The following LHFPL2 variants were observed in gnomAD, a reference collection of about 807,000 sequenced individuals.
LHFPL2 encodes the protein LHFPL tetraspan subfamily member 2.
A neutral mutation model predicts 17.5 loss-of-function variants in LHFPL2; 7 were observed. The ratio of observed to expected loss-of-function variants is 0.40; its 90% confidence interval spans 0.23 to 0.75. LHFPL2 has a LOEUF of 0.75. LHFPL2 is among the 30% of genes least tolerant of loss of function. The pLI is 0.37. For synonymous variants in LHFPL2, 134 were observed against 116.2 expected (o/e 1.15, Z -0.99); for missense variants, 241 against 294.8 (o/e 0.82, Z 1.34).
intron 3 of LHFPL2, among the ~76,000 whole-genome samples, chr5:78,524,466 G>T (rs1229290263): frequency 6.6e-6 from 1 of 152,156 alleles, no homozygotes; most frequent in Non-Finnish European, 1.5e-5. Context: ...ATCCGGCCAG[G>T]CGCAGTGGCT....
Position 78,635,626 on chromosome 5 carries a change from C to A in LHFPL2, c.-349-3258G>T, listed in dbSNP as rs1444945402. 2.6e-5 allele frequency among the ~76,000 whole-genome samples: 4 copies of A among 152,306 alleles called. No homozygotes were observed. In the East Asian group the frequency reaches 7.7e-4, roughly 29 times the overall value. On this transcript the variant is annotated intron_variant, in intron 1 of 4. Coordinates refer to ENST00000380345, the MANE Select transcript of LHFPL2 (RefSeq NM_005779.3). ...GACCATCCTGGCTAACACGGTGAAA[C>A]CCCGTCTCTACTAAAAAATACAAAA...
chr5:78,543,532 T>G (rs1756176664), intron 3 of LHFPL2, among the ~76,000 whole-genome samples: 1 of 151,656 alleles, frequency 6.6e-6, no homozygotes, highest in South Asian at 2.1e-4. Flanking sequence ...TCTGAGAGAG[T>G]GCGGCACAGT....
intron 2 of LHFPL2, among the ~76,000 whole-genome samples, chr5:78,607,442 T>A (rs1423260815): frequency 6.6e-6 from 1 of 152,178 alleles, no homozygotes; most frequent in Non-Finnish European, 1.5e-5. Flanking sequence ...CATAGGTTTG[T>A]ATTTCGCCAT....
intron 3 of LHFPL2, among the ~76,000 whole-genome samples, chr5:78,541,934 G>A (rs946261361): frequency 1.8e-4 from 28 of 152,160 alleles, no homozygotes; most frequent in African/African-American, 6.3e-4. Flanking sequence ...TTTATAAAAA[G>A]CATCTCACTT....
intron 3 of LHFPL2, among the ~76,000 whole-genome samples, chr5:78,542,023 G>A (rs1389982368): frequency 1.3e-5 from 2 of 152,104 alleles, no homozygotes; most frequent in East Asian, 1.9e-4. Context: ...TTTCAAAAGG[G>A]AAGCCATTTG....
intron 2 of LHFPL2, among the ~76,000 whole-genome samples, chr5:78,574,468 A>T (rs550830836): frequency 6.6e-6 from 1 of 152,202 alleles, no homozygotes; most frequent in African/African-American, 2.4e-5. Context: ...CCACATACCA[A>T]CTGAACCCTG....
chr5:78,523,940 G>T (rs1270455612), intron 3 of LHFPL2, among the ~76,000 whole-genome samples: 4 of 147,392 alleles, frequency 2.7e-5, no homozygotes, highest in Non-Finnish European at 6.0e-5. Flanking sequence ...GGAGGGGCTG[G>T]GCAGGGGGCT....
In LHFPL2 at chr5:78,509,931, C is replaced by T. The variant is rs1013313380; in HGVS notation, c.283G>A (p.Gly95Ser). 1 of 1,613,800 alleles carries T rather than the reference C, an allele frequency of 6.2e-7. No individual in the cohort carries two copies. Among genetic ancestry groups the T allele is most frequent in the African/African-American group, 1.3e-5 (1 of 75,074 alleles). ...YAESFGEIAS[G>S]FWQATAIFLA... is the part of the protein sequence containing the mutation. ...AAAATAGCTGTGGCCTGCCAGAAGC[C>T]GCTGGCGATCTCGCCGAAGCTCTCG... Residue 95 changes from glycine to serine, a missense_variant, in exon 4 of 5, where the codon GGC (glycine) becomes AGC (serine). Coordinates refer to ENST00000380345, the MANE Select transcript of LHFPL2 (RefSeq NM_005779.3).
intron 2 of LHFPL2, among the ~76,000 whole-genome samples, chr5:78,599,313 G>A (rs1042333626): frequency 2.0e-5 from 3 of 151,880 alleles, no homozygotes; most frequent in Admixed American, 6.6e-5. Context: ...AGCACAGGGG[G>A]TTGCGGACAG....
At chr5:78,558,255 T>C (rs1756633635) in intron 3 of LHFPL2, among the ~76,000 whole-genome samples, 1 of 152,262 alleles carries the variant, frequency 6.6e-6, no homozygotes, top group Non-Finnish European at 1.5e-5. Context: ...ACATTCGTTA[T>C]ACAGGGATGA....
intron 2 of LHFPL2, among the ~76,000 whole-genome samples, chr5:78,590,505 T>C (rs1178606765): frequency 2.0e-5 from 3 of 152,212 alleles, no homozygotes; most frequent in Non-Finnish European, 2.9e-5. Flanking sequence ...GGTGGGATGT[T>C]ATTCAATTTT....
chr5:78,512,319 T>G (rs1310238083), intron 3 of LHFPL2, among the ~76,000 whole-genome samples: 1 of 151,386 alleles, frequency 6.6e-6, no homozygotes, highest in Non-Finnish European at 1.5e-5. Context: ...ACTACCTAAC[T>G]CAGCTGGTGT....
chr5:78,569,983 A>T (rs897007707), intron 2 of LHFPL2, among the ~76,000 whole-genome samples: 2 of 152,222 alleles, frequency 1.3e-5, no homozygotes, highest in Non-Finnish European at 2.9e-5. Context: ...GCTTTTTAAC[A>T]TGCCAGGTGT....
intron 2 of LHFPL2, among the ~76,000 whole-genome samples, chr5:78,572,340 TAA>T (rs1273199235): frequency 2.0e-5 from 3 of 152,026 alleles, no homozygotes; most frequent in Admixed American, 6.6e-5. Context: ...ATGTATGTAT[TAA>T]AAGAGTTAGG....
At chr5:78,633,309 G>T (rs1745318908) in intron 1 of LHFPL2, among the ~76,000 whole-genome samples, 1 of 152,226 alleles carries the variant, frequency 6.6e-6, no homozygotes, top group African/African-American at 2.4e-5. Flanking sequence ...CCAGCATGAG[G>T]TGGTTCCTGC....
chr5:78,571,515 A>T (rs1756999470), intron 2 of LHFPL2, among the ~76,000 whole-genome samples: 2 of 152,092 alleles, frequency 1.3e-5, no homozygotes, highest in African/African-American at 4.8e-5. Context: ...TCCCTGTTTC[A>T]AGTCCATCCA....
At chr5:78,572,567 G>T (rs1438166393) in intron 2 of LHFPL2, among the ~76,000 whole-genome samples, 3 of 150,944 alleles carry the variant, frequency 2.0e-5, no homozygotes, top group Non-Finnish European at 4.4e-5. Context: ...AAATATATGA[G>T]GACATTGTAA....
At chr5:78,522,301 G>T (rs1278747648) in intron 3 of LHFPL2, among the ~76,000 whole-genome samples, 2 of 152,110 alleles carry the variant, frequency 1.3e-5, no homozygotes, top group African/African-American at 4.8e-5. Context: ...AGCCAGGCAT[G>T]GTGGCGGGCA....
intron 3 of LHFPL2, among the ~76,000 whole-genome samples, chr5:78,564,118 C>A (rs1443237688): frequency 2.6e-5 from 4 of 152,090 alleles, no homozygotes; most frequent in Non-Finnish European, 5.9e-5. Flanking sequence ...TTGGGCTGAG[C>A]CGAACCTCCA....
Sources: gnomAD v4.1 joint callset for allele counts (sites outside exome capture counted in the v4.1 genomes callset) on GRCh38, gnomAD v4.1.1 for gene constraint, MANE v1.5 for transcripts, NCBI Gene and HGNC (gene_info 2026-07-23, HGNC 2026-07-21) for gene names.